The following KLF15 variants were observed in gnomAD, a reference collection of about 807,000 sequenced individuals.
KLF15 encodes KLF transcription factor 15, also known as Krueppel-like factor 15.
In KLF15, 4 loss-of-function variants were observed where a neutral mutation model predicts 24.6. That is an observed-to-expected ratio of 0.16 (90% CI 0.08 to 0.37). KLF15 has a LOEUF of 0.37. Among genes scored for constraint, KLF15 ranks in the 10% least tolerant of loss-of-function variants. The pLI is 1.00. For missense variants in KLF15, 496 were observed against 560.6 expected (o/e 0.88, Z 1.16); for synonymous variants, 246 against 236.3 (o/e 1.04, Z -0.37).
chr3:126,338,819 G>C (rs1033366968), downstream of KLF15, among the ~76,000 whole-genome samples: 12 of 152,172 alleles, frequency 7.9e-5, no homozygotes, highest in African/African-American at 2.9e-4. Flanking sequence ...TGGCTCTGTC[G>C]TAGCCTTGCG....
chr3:126,327,498 G>T, the KLF15 span, among the ~76,000 whole-genome samples: 1 of 152,136 alleles, frequency 6.6e-6, no homozygotes, highest in Non-Finnish European at 1.5e-5. Context: ...GGGTGCTGTG[G>T]GCCACAGTGG....
At chr3:126,318,047 A>C in the KLF15 span, among the ~76,000 whole-genome samples, 1 of 152,070 alleles carries the variant, frequency 6.6e-6, no homozygotes, top group Non-Finnish European at 1.5e-5. Context: ...CACGACACCA[A>C]CCTGGACCCA....
chr3:126,355,823 G>A (rs2082626183), intron 1 of KLF15, among the ~76,000 whole-genome samples: 1 of 152,234 alleles, frequency 6.6e-6, no homozygotes, highest in East Asian at 1.9e-4. Flanking sequence ...AACGTCCCAA[G>A]GGGGAAGCAC....
the KLF15 span, among the ~76,000 whole-genome samples, chr3:126,300,449 G>C: frequency 1.3e-5 from 2 of 152,256 alleles, no homozygotes; most frequent in Non-Finnish European, 2.9e-5. Flanking sequence ...GGCAGGCCCA[G>C]AGCGTCGGGG....
At chr3:126,319,362 G>A in the KLF15 span, among the ~76,000 whole-genome samples, 1 of 152,204 alleles carries the variant, frequency 6.6e-6, no homozygotes, top group African/African-American at 2.4e-5. Flanking sequence ...AGAAATTGAC[G>A]AGTTGTCTTC....
chr3:126,338,884 G>C (rs1180186696), downstream of KLF15, among the ~76,000 whole-genome samples: 1 of 152,194 alleles, frequency 6.6e-6, no homozygotes, highest in Admixed American at 6.5e-5. Flanking sequence ...CTGTCTTTCA[G>C]TGTCAGCTCA....
At chr3:126,320,964 C>G in the KLF15 span, among the ~76,000 whole-genome samples, 10 of 152,210 alleles carry the variant, frequency 6.6e-5, no homozygotes, top group Admixed American at 5.9e-4. Flanking sequence ...ATTTGATCCT[C>G]AGTCCCGGAA....
At chr3:126,329,228 A>G in the KLF15 span, among the ~76,000 whole-genome samples, 2 of 152,200 alleles carry the variant, frequency 1.3e-5, no homozygotes, top group South Asian at 2.1e-4. Context: ...TTGATAACTT[A>G]TATTAAATAG....
the KLF15 span, among the ~76,000 whole-genome samples, chr3:126,315,402 A>T: frequency 1.3e-5 from 2 of 152,196 alleles, no homozygotes; most frequent in Non-Finnish European, 2.9e-5. Flanking sequence ...GCTAAGTGGT[A>T]GGATGGGCCC....
At chr3:126,354,754 C>A (rs1337533157) in intron 1 of KLF15, among the ~76,000 whole-genome samples, 1 of 152,252 alleles carries the variant, frequency 6.6e-6, no homozygotes, top group African/African-American at 2.4e-5. Flanking sequence ...CAAGGCTGGG[C>A]AGAGCCCACA....
At chr3:126,351,789 C>T in intron 2 of KLF15, 52 bp downstream of exon 2, 1 of 1,556,418 alleles carries the variant, frequency 6.4e-7, no homozygotes, top group Non-Finnish European at 8.7e-7. Context: ...CCCAAGTAAG[C>T]AGACATGAGT....
downstream of KLF15, among the ~76,000 whole-genome samples, chr3:126,338,641 C>G (rs1220361269): frequency 6.6e-6 from 1 of 152,194 alleles, no homozygotes; most frequent in Non-Finnish European, 1.5e-5. Context: ...ACTTTCACAT[C>G]GCAAATTTCT....
chr3:126,315,625 C>T, the KLF15 span, among the ~76,000 whole-genome samples: 2 of 152,178 alleles, frequency 1.3e-5, no homozygotes, highest in Admixed American at 6.5e-5. Context: ...CACACACTCT[C>T]ACAGCTCACA....
the KLF15 span, among the ~76,000 whole-genome samples, chr3:126,328,022 AC>A: frequency 6.6e-6 from 1 of 152,000 alleles, no homozygotes; most frequent in Non-Finnish European, 1.5e-5. Context: ...ATTTTGGTGC[AC>A]CCATCACCCG....
At position 126,356,164 on chromosome 3, in the gene KLF15, G is replaced by A. The variant is rs771755167; in HGVS notation, c.-26+1073C>T. ...GGTCAGCGTGCAAATCACGGGGGTG[G>A]CGGCGGGGGCTGTCCTTCAAAATAA... is the stretch of plus-strand genomic sequence containing the variant. On this transcript the variant is annotated intron_variant, in intron 1 of 2. Transcript: ENST00000296233. The surrounding 1 kb of genome is among the most constrained non-coding windows in gnomAD (Gnocchi z 4.4). Among the ~76,000 whole-genome samples, 2 of 152,188 alleles carry A rather than the reference G, an allele frequency of 1.3e-5. No homozygotes were observed. The highest frequency in any genetic ancestry group is 2.9e-5 in the Non-Finnish European group (2 of 68,032).
At chr3:126,297,882 C>T in the KLF15 span, among the ~76,000 whole-genome samples, 4 of 152,140 alleles carry the variant, frequency 2.6e-5, no homozygotes, top group Non-Finnish European at 5.9e-5. Context: ...CATATTTTTG[C>T]AATTCTGAAT....
chr3:126,344,905 C>T (rs775007053), intron 2 of KLF15, among the ~76,000 whole-genome samples: 2 of 152,198 alleles, frequency 1.3e-5, no homozygotes, highest in Non-Finnish European at 2.9e-5. Context: ...CAAGCTGCAT[C>T]GAGGGCCTGG....
At chr3:126,301,251 A>G in the KLF15 span, among the ~76,000 whole-genome samples, 1 of 131,156 alleles carries the variant, frequency 7.6e-6, no homozygotes, top group Non-Finnish European at 1.8e-5. Flanking sequence ...TTTGACACTG[A>G]GAGCAAAGCA....
chr3:126,342,695 A>G lies in KLF15; in HGVS notation c.*1032T>C, dbSNP rs1216763771. 6.6e-6 allele frequency: 1 copy of G among 152,608 alleles called. No individual in the cohort carries two copies. The highest frequency in any genetic ancestry group is 1.5e-5 in the Non-Finnish European group (1 of 68,032). 9.5% of individuals were successfully genotyped at this position (152,608 alleles called of 1,614,324 possible). A position where few individuals can be genotyped will look rare whatever the true frequency, so the allele number is the denominator to read the frequency against. ...ATATTTTTATGAAGGACCAAAGAAA[A>G]TATACGTAATTGTAACATATGTACA... On this transcript the variant is annotated 3_prime_UTR_variant, in exon 3 of 3. Transcript: ENST00000296233.
Sources: gnomAD v4.1 joint callset for allele counts (sites outside exome capture counted in the v4.1 genomes callset) on GRCh38, gnomAD v4.1.1 for gene constraint, Gnocchi (gnomAD v3.1) non-coding constraint, MANE v1.5 for transcripts, NCBI Gene and HGNC (gene_info 2026-07-23, HGNC 2026-07-21) for gene names.